Variants in NAP1L1 observed in about 807,000 individuals in gnomAD.
NAP1L1 encodes nucleosome assembly protein 1 like 1, also known as nucleosome assembly protein 1-like 1.
A neutral mutation model predicts 58.9 loss-of-function variants in NAP1L1; 9 were observed. That is an observed-to-expected ratio of 0.15 (90% CI 0.09 to 0.27). The LOEUF (loss-of-function observed/expected upper bound fraction) is 0.27, where lower values mean the gene tolerates loss of function less well. Ranked by LOEUF, NAP1L1 falls within the 10% of genes least tolerant of loss-of-function variation. The probability of loss-of-function intolerance (pLI) is 1.00; values close to 1 mark genes in which losing one functional copy is unlikely to be tolerated. For synonymous variants in NAP1L1, 130 were observed against 138.3 expected (o/e 0.94, Z 0.42); for missense variants, 302 against 458.8 (o/e 0.66, Z 3.12).
rs1232098868 is a variant in NAP1L1 at position 76,038,647 on chromosome 12, A to G, written c.*9782T>C. 1.3e-5 allele frequency: 2 copies of G among 152,190 alleles called. No homozygotes were observed. The highest frequency in any genetic ancestry group is 2.9e-5 in the Non-Finnish European group (2 of 68,034). The allele number at this position is 152,190 out of a possible 1,614,324, so 9.4% of individuals were successfully genotyped here. A position where few individuals can be genotyped will look rare whatever the true frequency, so the allele number is the denominator to read the frequency against. ...TTACAGACAAGGTAATCTAAGAGTA[A>G]AAGGGATAAAAGAATTCTGTGGGGT... On this transcript the variant is annotated 3_prime_UTR_variant, in exon 15 of 15. Transcript: ENST00000618691.
At chr12:76,049,881 A>G in intron 12 of NAP1L1, 96 bp from the exon 13 acceptor site, 2 of 1,373,942 alleles carry the variant, frequency 1.5e-6, no homozygotes, top group South Asian at 2.4e-5. Flanking sequence ...TAGTGTCTAA[A>G]AAGAGAAAAC....
At chr12:76,060,097 T>C (rs1371324130) in intron 5 of NAP1L1, 41 bp downstream of exon 5, 15 of 1,587,452 alleles carry the variant, frequency 9.4e-6, no homozygotes, top group Non-Finnish European at 1.3e-5. Flanking sequence ...AGAATTCGTC[T>C]TCTAGAATGT....
intron 1 of NAP1L1, among the ~76,000 whole-genome samples, chr12:76,076,518 G>A (rs1237671305): frequency 7.0e-6 from 1 of 142,364 alleles, no homozygotes; most frequent in African/African-American, 2.7e-5. Context: ...CAAGGTATAG[G>A]ATGTATGCCG....
intron 1 of NAP1L1, among the ~76,000 whole-genome samples, chr12:76,080,531 A>G (rs1950361960): frequency 6.6e-6 from 1 of 152,208 alleles, no homozygotes; most frequent in Admixed American, 6.5e-5. Flanking sequence ...AGGTTTGTGT[A>G]AATACATTCT....
chr12:76,060,215 T>A lies in NAP1L1; in HGVS notation c.271A>T (p.Ile91Leu). Residue 91 changes from isoleucine (I) to leucine (L), a missense_variant, in exon 5 of 15, where the codon ATA becomes TTA. Coordinates refer to ENST00000618691, the MANE Select transcript of NAP1L1 (RefSeq NM_004537.7). ...LKNLQVKCAQIEAKFYEEVHD... is the reference protein window; with the variant it reads ...LKNLQVKCAQLEAKFYEEVHD... ...ACTTCCTCATAGAATTTGGCTTCTATCTGTGCACATTTAACTTGCAGGTTT... is the reference window on the plus strand; with the variant it reads ...ACTTCCTCATAGAATTTGGCTTCTAACTGTGCACATTTAACTTGCAGGTTT... 6.2e-7 allele frequency: 1 copy of A among 1,613,870 alleles called. No homozygotes were observed. Among genetic ancestry groups the A allele is most frequent in the Non-Finnish European group, 8.5e-7 (1 of 1,179,810 alleles).
rs936122975 is a variant in NAP1L1 at position 76,036,929 on chromosome 12, A to C, written c.*11500T>G. 3.3e-5 allele frequency: 5 copies of C among 151,572 alleles called. No individual in the cohort carries two copies. The highest frequency in any genetic ancestry group is 4.2e-4 in the South Asian group (2 of 4,806). The allele number at this position is 151,572 out of a possible 1,614,324, so 9.4% of individuals were successfully genotyped here. A position where few individuals can be genotyped will look rare whatever the true frequency, so the allele number is the denominator to read the frequency against. ...CTCTACTAAAAATACAAAAAAAAAA[A>C]AAACCCACAGCGCCTGTAATCCCAG... On this transcript the variant is annotated 3_prime_UTR_variant, in exon 15 of 15. Coordinates refer to ENST00000618691, the MANE Select transcript of NAP1L1 (RefSeq NM_004537.7).
chr12:76,050,861 A>C (rs2136959842), intron 11 of NAP1L1, among the ~76,000 whole-genome samples: 1 of 152,170 alleles, frequency 6.6e-6, no homozygotes, highest in South Asian at 2.1e-4. Context: ...TTGTACAAAA[A>C]ATAAACAATT....
chr12:76,060,045 G>A (rs1592645797), intron 5 of NAP1L1, 93 bp downstream of exon 5: 1 of 1,358,172 alleles, frequency 7.4e-7, no homozygotes, highest in African/African-American at 1.5e-5. Context: ...ATTTCAATGA[G>A]AGTTCTAAAG....
intron 8 of NAP1L1, among the ~76,000 whole-genome samples, 186 bp from the exon 9 acceptor site, chr12:76,054,095 T>C (rs1948964285): frequency 6.6e-6 from 1 of 152,240 alleles, no homozygotes; most frequent in African/African-American, 2.4e-5. Flanking sequence ...AGGGGCACAA[T>C]TTCAGCTCAC....
chr12:76,082,868 G>C (rs562234227), intron 1 of NAP1L1, among the ~76,000 whole-genome samples: 2 of 152,170 alleles, frequency 1.3e-5, no homozygotes, highest in African/African-American at 4.8e-5. Flanking sequence ...AGAGGACCCA[G>C]ATACTCGTTT....
At chr12:76,077,245 G>A (rs1484562564) in intron 1 of NAP1L1, among the ~76,000 whole-genome samples, 1 of 152,160 alleles carries the variant, frequency 6.6e-6, no homozygotes, top group Non-Finnish European at 1.5e-5. Context: ...ATTAACAGGA[G>A]GCATTTACTC....
intron 6 of NAP1L1, chr12:76,056,671 G>T (rs889630515): frequency 3.6e-5 from 16 of 449,914 alleles, no homozygotes; most frequent in African/African-American, 3.0e-4. Context: ...ACAATCCTCA[G>T]CCTACCATGA....
intron 2 of NAP1L1, among the ~76,000 whole-genome samples, chr12:76,071,188 T>C (rs1949936748): frequency 6.6e-6 from 1 of 152,160 alleles, no homozygotes; most frequent in African/African-American, 2.4e-5. Context: ...TAGAGAATCG[T>C]ATGTGGCCCA....
At chr12:76,049,632 T>C in intron 13 of NAP1L1, 124 bp downstream of exon 13, 13 of 1,530,704 alleles carry the variant, frequency 8.5e-6, no homozygotes, top group Non-Finnish European at 9.8e-6. Context: ...TCTAAAATCA[T>C]GTTTTCCAAA....
At position 76,059,786 on chromosome 12, in the gene NAP1L1, G is replaced by T. The variant is rs374103316; in HGVS notation, c.429+12C>A. The T allele has an allele frequency of 4.7e-5, 73 of 1,562,012 alleles. No individual in the cohort carries two copies. The African/African-American group carries it at 8.6e-4, about 18-fold the overall frequency. On this transcript the variant is annotated intron_variant, in intron 6 of 14. Transcript: ENST00000618691. ...CATCTTAAAAACATACCAAAATAAA[G>T]TTGGTACTAACCGAAATCTCATCTT...
intron 4 of NAP1L1, 40 bp downstream of exon 4, chr12:76,067,331 G>A: frequency 1.4e-6 from 2 of 1,472,240 alleles, no homozygotes; most frequent in Non-Finnish European, 1.9e-6. Context: ...CTGCAACGTT[G>A]ATTATAGAAA....
Position 76,056,129 on chromosome 12 carries a change from ATCTTCAATCTTGGCCTTT to A in NAP1L1, c.444_461del (p.Glu148_Glu153del). The A allele has an allele frequency of 6.2e-7, 1 of 1,612,256 alleles. No homozygotes were observed. Among genetic ancestry groups the A allele is most frequent in the African/African-American group, 1.3e-5 (1 of 74,856 alleles). Reference sequence around the variant, plus strand: ...CTTCTTTTTCTTCATCTTTTTTCTCATCTTCAATCTTGGCCTTTTCTTTCAATTCCTCCTTGATTAAGT... The same window carrying A: ...CTTCTTTTTCTTCATCTTTTTTCTCATCTTTCAATTCCTCCTTGATTAAGT... On this transcript the variant is annotated inframe_deletion, in exon 7 of 15. Coordinates refer to ENST00000618691, the MANE Select transcript of NAP1L1 (RefSeq NM_004537.7).
At chr12:76,061,907 C>T (rs1040237698) in intron 4 of NAP1L1, among the ~76,000 whole-genome samples, 13 of 152,134 alleles carry the variant, frequency 8.5e-5, no homozygotes, top group African/African-American at 2.9e-4. Context: ...AAAAGCTAAT[C>T]CCAGAAACTT....
chr12:76,055,142 G>A (rs1301171829), intron 7 of NAP1L1, 52 bp from the exon 8 acceptor site: 1 of 1,276,910 alleles, frequency 7.8e-7, no homozygotes, highest in Admixed American at 2.0e-5. Flanking sequence ...CGAGGACTGT[G>A]TTCTGTTACT....
Sources: gnomAD v4.1 joint callset for allele counts (sites outside exome capture counted in the v4.1 genomes callset) on GRCh38, gnomAD v4.1.1 for gene constraint, MANE v1.5 for transcripts, NCBI Gene and HGNC (gene_info 2026-07-23, HGNC 2026-07-21) for gene names.